The following ACTN2 variants were observed in gnomAD, a reference collection of about 807,000 sequenced individuals.
ACTN2 encodes alpha-actinin-2.
ACTN2 carries 39 observed loss-of-function variants against 113.8 expected under a neutral mutation model. The observed-to-expected ratio is 0.34, with a 90% confidence interval of 0.27 to 0.45. The LOEUF is 0.45. Among genes scored for constraint, ACTN2 ranks in the 20% least tolerant of loss-of-function variants. The pLI is 1.00. For missense variants in ACTN2, 992 were observed against 1,177.9 expected (o/e 0.84, Z 2.31); for synonymous variants, 429 against 444.1 (o/e 0.97, Z 0.43).
chr1:236,755,072 C>G lies in ACTN2; in HGVS notation c.2028C>G (p.Asn676Lys). 6.2e-7 allele frequency: 1 copy of G among 1,614,222 alleles called. No homozygotes were observed. The highest frequency in any genetic ancestry group is 8.5e-7 in the Non-Finnish European group (1 of 1,180,036). The change falls in exon 17 of 21, where the codon AAC becomes AAG. Residue 676 changes from asparagine to lysine, a missense_variant. This residue lies in a region of ACTN2 where 736 missense variants were observed against 815.4 expected (regional missense o/e 0.90). Transcript: ENST00000366578. ...QITGALEDQM[N>K]QLKQYEHNII... ...CAGGAGCCCTGGAAGACCAGATGAA[C>G]CAGCTGAAGCAGTATGAGCACAACA... is the stretch of plus-strand genomic sequence containing the variant.
At chr1:236,709,164 T>C (rs1399908816) in intron 1 of ACTN2, among the ~76,000 whole-genome samples, 1 of 146,848 alleles carries the variant, frequency 6.8e-6, no homozygotes, top group African/African-American at 2.5e-5. Context: ...GGCCTCTTTC[T>C]TCTCCTCTCA....
At chr1:236,740,130 T>C (rs191496051) in intron 10 of ACTN2, among the ~76,000 whole-genome samples, 51 of 152,150 alleles carry the variant, frequency 3.4e-4, no homozygotes, top group Non-Finnish European at 7.1e-4. Flanking sequence ...TTTTTTTTTT[T>C]GGAGACGGAG....
intron 2 of ACTN2, 39 bp from the exon 3 acceptor site, chr1:236,718,855 C>G: frequency 6.2e-7 from 1 of 1,614,062 alleles, no homozygotes; most frequent in Non-Finnish European, 8.5e-7. Context: ...CAAGAGGTCA[C>G]TGTCTCTATG....
At position 236,735,665 on chromosome 1, in the gene ACTN2, G is replaced by A; in HGVS notation, c.728G>A (p.Arg243Lys). 6.2e-7 allele frequency: 1 copy of A among 1,614,184 alleles called. No homozygotes were observed. Among genetic ancestry groups the A allele is most frequent in the Non-Finnish European group, 8.5e-7 (1 of 1,180,032 alleles). Residue 243 changes from arginine to lysine, a missense_variant, in exon 8 of 21, where the codon AGA (arginine) becomes AAA (lysine). Physicochemically the swap from Arg to Lys is conservative, Grantham distance 26. Transcript: ENST00000366578. Reference sequence around the variant, plus strand: ...GTGAACACCCCTAAACCCGATGAAAGAGCCATCATGACGTACGTCTCTTGC... The same window carrying A: ...GTGAACACCCCTAAACCCGATGAAAAAGCCATCATGACGTACGTCTCTTGC... ...DIVNTPKPDE[R>K]AIMTYVSCFY...
intron 7 of ACTN2, among the ~76,000 whole-genome samples, chr1:236,732,989 G>C (rs1375125577): frequency 2.6e-5 from 4 of 152,226 alleles, no homozygotes; most frequent in East Asian, 3.9e-4. Flanking sequence ...TCAAACATCT[G>C]TATTATTGGC....
At chr1:236,727,550 G>A in intron 5 of ACTN2, 128 bp from the exon 6 acceptor site, 5 of 899,080 alleles carry the variant, frequency 5.6e-6, no homozygotes, top group East Asian at 2.6e-5. Context: ...GGGTAAAGAG[G>A]AAGCTACATG....
chr1:236,761,821 A>G (rs1267233691), intron 20 of ACTN2, among the ~76,000 whole-genome samples: 1 of 152,194 alleles, frequency 6.6e-6, no homozygotes, highest in East Asian at 1.9e-4. Context: ...CAAGGAGGTT[A>G]GCATGCTAAA....
chr1:236,716,846 T>TTTC lies in ACTN2; in HGVS notation c.127-1010_127-1009insCTT, dbSNP rs1214694855. 1.4e-5 allele frequency among the ~76,000 whole-genome samples: 2 copies of TTTC among 147,892 alleles called. 1 individual carries two copies. Among genetic ancestry groups the TTTC allele is most frequent in the Non-Finnish European group, 3.0e-5 (2 of 66,912 alleles). ...AACACATTTTGAACATTTTTTTTTT[T>TTTC]TTTTTTGAGACAGAGTCTCACTCTG... On this transcript the variant is annotated intron_variant, in intron 1 of 20. Coordinates refer to ENST00000366578, the MANE Select transcript of ACTN2 (RefSeq NM_001103.4).
chr1:236,693,376 G>T (rs761978666), intron 1 of ACTN2, among the ~76,000 whole-genome samples: 1 of 152,114 alleles, frequency 6.6e-6, no homozygotes, highest in Non-Finnish European at 1.5e-5. Context: ...CACCACCATG[G>T]CCCTTAAGGA....
At chr1:236,722,646 A>AG (rs1553300552) in intron 4 of ACTN2, among the ~76,000 whole-genome samples, 1 of 151,626 alleles carries the variant, frequency 6.6e-6, no homozygotes, top group African/African-American at 2.4e-5. Flanking sequence ...AAAAAAAAAA[A>AG]AAAAAGAAAA....
chr1:236,699,446 A>G (rs1282303281), intron 1 of ACTN2, among the ~76,000 whole-genome samples: 1 of 152,238 alleles, frequency 6.6e-6, no homozygotes, highest in East Asian at 1.9e-4. Context: ...AGGAGAAGTC[A>G]GCTAAACTTC....
At chr1:236,689,301 A>C (rs1665983595) in intron 1 of ACTN2, among the ~76,000 whole-genome samples, 1 of 1,946 alleles carries the variant, frequency 5.1e-4, no homozygotes, top group African/African-American at 9.7e-4. Flanking sequence ...TACAGATGTG[A>C]TATATATATA....
intron 8 of ACTN2, chr1:236,736,795 G>C: frequency 3.0e-6 from 2 of 675,354 alleles, no homozygotes; most frequent in Non-Finnish European, 5.0e-6. Context: ...AGGGACCCAA[G>C]ATCTTGGTTT....
chr1:236,718,857 GTC>G, intron 2 of ACTN2, 35 bp from the exon 3 acceptor site: 1 of 1,614,064 alleles, frequency 6.2e-7, no homozygotes, highest in South Asian at 1.1e-5. Flanking sequence ...AGAGGTCACT[GTC>G]TCTATGTCTG....
chr1:236,757,411 TG>T, intron 17 of ACTN2, 74 bp from the exon 18 acceptor site: 1 of 1,589,014 alleles, frequency 6.3e-7, no homozygotes, highest in Non-Finnish European at 8.6e-7. Context: ...TCGGCTGTAC[TG>T]TTATGAAAGT....
At chr1:236,743,980 G>A (rs1659151128) in intron 11 of ACTN2, among the ~76,000 whole-genome samples, 2 of 152,210 alleles carry the variant, frequency 1.3e-5, no homozygotes, top group Non-Finnish European at 2.9e-5. Flanking sequence ...TTAAATACAT[G>A]AACATTTGCT....
intron 1 of ACTN2, among the ~76,000 whole-genome samples, chr1:236,715,182 G>A (rs1469702241): frequency 6.6e-6 from 1 of 150,480 alleles, no homozygotes; most frequent in Non-Finnish European, 1.5e-5. Context: ...TCTACTTTAA[G>A]GTTTAGGGTA....
intron 2 of ACTN2, 95 bp from the exon 3 acceptor site, chr1:236,718,799 T>A (rs1658296277): frequency 1.3e-6 from 2 of 1,574,836 alleles, no homozygotes; most frequent in Non-Finnish European, 1.7e-6. Flanking sequence ...ACCTTCTCTT[T>A]TTAAGGAAAA....
intron 15 of ACTN2, 98 bp from the exon 16 acceptor site, chr1:236,753,849 A>ACCCCCCCC: frequency 2.7e-6 from 3 of 1,103,218 alleles, no homozygotes; most frequent in Non-Finnish European, 2.5e-6. Flanking sequence ...CTCCTTCTCC[A>ACCCCCCCC]CTCCCACCCC....
Sources: allele counts gnomAD v4.1 joint callset (sites outside exome capture counted in the v4.1 genomes callset), GRCh38; gene constraint gnomAD v4.1.1; regional missense constraint gnomAD v4.1.1; transcripts MANE v1.5; gene names NCBI Gene and HGNC (gene_info 2026-07-23, HGNC 2026-07-21).